TTC28: variants seen among roughly 807,000 people sequenced by gnomAD.
The protein encoded by TTC28 is tetratricopeptide repeat protein 28.
In TTC28, 61 loss-of-function variants were observed where a neutral mutation model predicts 198.0. The ratio of observed to expected loss-of-function variants is 0.31; its 90% CI spans 0.25 to 0.38. TTC28 has a LOEUF of 0.38. TTC28 is among the 10% of genes least tolerant of loss of function. TTC28 has a pLI of 1.00. For synonymous variants in TTC28, 1,171 were observed against 1,297.8 expected (o/e 0.90, Z 2.10); for missense variants, 2,678 against 3,164.0 (o/e 0.85, Z 3.69).
At chr22:28,408,912 A>T (rs2047039628) in intron 2 of TTC28, among the ~76,000 whole-genome samples, 1 of 152,234 alleles carries the variant, frequency 6.6e-6, no homozygotes. Flanking sequence ...ACTAGGCAAC[A>T]GTATATCTTG....
intron 1 of TTC28, among the ~76,000 whole-genome samples, chr22:28,677,574 G>C: frequency 6.6e-6 from 1 of 152,126 alleles, no homozygotes; most frequent in East Asian, 1.9e-4. Context: ...GGGAGGTGGA[G>C]GTTGCAGTGA....
At chr22:28,502,004 A>G (rs140083756) in intron 2 of TTC28, among the ~76,000 whole-genome samples, 12 of 152,328 alleles carry the variant, frequency 7.9e-5, no homozygotes, top group African/African-American at 2.9e-4. Context: ...ATTCTCTAGT[A>G]TCCATAAAAG....
intron 2 of TTC28, among the ~76,000 whole-genome samples, chr22:28,496,261 G>A (rs1601469742): frequency 6.6e-6 from 1 of 151,960 alleles, no homozygotes; most frequent in East Asian, 1.9e-4. Context: ...GCGTATCTCT[G>A]GCACTGTCAT....
chr22:28,209,441 T>A (rs757382353), intron 5 of TTC28, among the ~76,000 whole-genome samples: 1 of 152,180 alleles, frequency 6.6e-6, no homozygotes, highest in Non-Finnish European at 1.5e-5. Flanking sequence ...CCCACCCTAA[T>A]ACTGCGCTTT....
At chr22:28,157,745 G>A (rs1943781588) in intron 6 of TTC28, among the ~76,000 whole-genome samples, 1 of 152,050 alleles carries the variant, frequency 6.6e-6, no homozygotes. Flanking sequence ...AAAAAAACGG[G>A]ATATAGAAGG....
intron 6 of TTC28, among the ~76,000 whole-genome samples, chr22:28,127,196 G>A (rs751047273): frequency 6.6e-6 from 1 of 152,216 alleles, no homozygotes; most frequent in East Asian, 1.9e-4. Context: ...AGACAAGACT[G>A]GGCCTTGGAG....
intron 5 of TTC28, among the ~76,000 whole-genome samples, chr22:28,278,817 G>A (rs559574733): frequency 5.3e-5 from 8 of 152,310 alleles, no homozygotes; most frequent in Middle Eastern, 6.8e-3. Context: ...GCACTCCATT[G>A]ATTTTGGACA....
intron 1 of TTC28, among the ~76,000 whole-genome samples, chr22:28,636,722 T>C (rs2051278803): frequency 7.4e-6 from 1 of 135,930 alleles, no homozygotes; most frequent in Admixed American, 8.9e-5. Flanking sequence ...AATCAGATTA[T>C]TTATTTATTT....
chr22:28,403,493 G>C (rs1211679863), intron 2 of TTC28, among the ~76,000 whole-genome samples: 1 of 152,032 alleles, frequency 6.6e-6, no homozygotes, highest in Non-Finnish European at 1.5e-5. Flanking sequence ...TCAAAGTTTT[G>C]CTAACATTTA....
intron 5 of TTC28, among the ~76,000 whole-genome samples, chr22:28,251,791 C>G (rs1444642041): frequency 6.6e-6 from 1 of 152,090 alleles, no homozygotes; most frequent in Non-Finnish European, 1.5e-5. Context: ...AGTTTCATTT[C>G]ACTCTCCATT....
chr22:28,313,825 C>A (rs1208855610), intron 2 of TTC28, among the ~76,000 whole-genome samples: 3 of 152,192 alleles, frequency 2.0e-5, no homozygotes, highest in East Asian at 1.9e-4. Flanking sequence ...CCTCTCTCAC[C>A]ACTCCTATTC....
At chr22:28,104,086 C>G (rs1473562476) in intron 8 of TTC28, among the ~76,000 whole-genome samples, 1 of 152,168 alleles carries the variant, frequency 6.6e-6, no homozygotes, top group Non-Finnish European at 1.5e-5. Flanking sequence ...AGGAGACCAG[C>G]GAATCATCAG....
At chr22:28,339,916 A>G (rs984715395) in intron 2 of TTC28, among the ~76,000 whole-genome samples, 1 of 151,210 alleles carries the variant, frequency 6.6e-6, no homozygotes, top group African/African-American at 2.4e-5. Flanking sequence ...ACTGTCCAAC[A>G]CTCCCCAGTG....
At chr22:28,335,299 G>C (rs556748996) in intron 2 of TTC28, among the ~76,000 whole-genome samples, 3 of 152,278 alleles carry the variant, frequency 2.0e-5, no homozygotes, top group African/African-American at 7.2e-5. Flanking sequence ...GATGCCTCCA[G>C]CTTTGTTCTT....
intron 1 of TTC28, among the ~76,000 whole-genome samples, chr22:28,655,733 C>A (rs930323200): frequency 9.9e-5 from 15 of 152,072 alleles, no homozygotes; most frequent in African/African-American, 3.6e-4. Context: ...CGCCTGTAGT[C>A]CCCGCTACTC....
At chr22:28,093,508 AT>A (rs939418969) in intron 12 of TTC28, among the ~76,000 whole-genome samples, 1 of 152,174 alleles carries the variant, frequency 6.6e-6, no homozygotes, top group Non-Finnish European at 1.5e-5. Context: ...TGTGGAAATT[AT>A]TTTTTTCATA....
chr22:28,559,356 A>T lies in TTC28; in HGVS notation c.381+70196T>A, dbSNP rs965988191. Among the ~76,000 whole-genome samples the T allele has an allele frequency of 2.6e-5, 4 of 152,322 alleles. No individual in the cohort carries two copies. The South Asian group carries it at 8.3e-4, about 32-fold the overall frequency. On this transcript the variant is annotated intron_variant, in intron 2 of 22. Transcript: ENST00000397906. ...CAAAGAATCCGAAAGTACTCCAGCC[A>T]CAGTAACTTCAGTTTTTTATTTACT...
At chr22:28,466,191 T>A (rs1187715002) in intron 2 of TTC28, among the ~76,000 whole-genome samples, 1 of 152,192 alleles carries the variant, frequency 6.6e-6, no homozygotes, top group Non-Finnish European at 1.5e-5. Context: ...ACTTAACTTG[T>A]TACCTCAGGC....
At chr22:28,090,417 C>T (rs1315062485) in intron 12 of TTC28, among the ~76,000 whole-genome samples, 2 of 151,928 alleles carry the variant, frequency 1.3e-5, no homozygotes, top group Non-Finnish European at 2.9e-5. Context: ...ATTTTAATTG[C>T]AACATAACAT....
Sources: gnomAD v4.1 joint callset for allele counts (sites outside exome capture counted in the v4.1 genomes callset) on GRCh38, gnomAD v4.1.1 for gene constraint, MANE v1.5 for transcripts, NCBI Gene and HGNC (gene_info 2026-07-23, HGNC 2026-07-21) for gene names.